Variants in JHY observed in about 807,000 individuals in gnomAD.
The protein encoded by JHY is jhy protein homolog.
Under a neutral mutation model 78.0 loss-of-function variants are expected in JHY, and 69 were observed. That is an observed-to-expected ratio of 0.88 (90% CI 0.73 to 1.08). The LOEUF is 1.08. Among genes scored for constraint, JHY ranks in the 50% least tolerant of loss-of-function variants. JHY has a pLI of 0.00. For synonymous variants in JHY, 368 were observed against 342.6 expected, an observed-to-expected ratio of 1.07 and a Z score of -0.82; for missense variants, 944 against 927.8, an observed-to-expected ratio of 1.02 and a Z score of -0.23.
rs1282714664 is a variant in JHY, at chr11:122,898,001, T to A, written c.345-5924T>A. On this transcript the variant is annotated intron_variant, in intron 2 of 8. Coordinates refer to ENST00000227349, the MANE Select transcript of JHY (RefSeq NM_024806.4). This position sits in a 1 kb window ranked among gnomAD's most constrained non-coding sequence, Gnocchi z 4.4. ...TGGACTTTGTGATATCATCTAGCAA[T>A]TGAATGTGGAAATAAGAGGCTAACA... Among the ~76,000 whole-genome samples the A allele has an allele frequency of 6.6e-6, 1 of 152,218 alleles. No homozygotes were observed. Among genetic ancestry groups the A allele is most frequent in the Non-Finnish European group, 1.5e-5 (1 of 68,032 alleles).
intron 5 of JHY, among the ~76,000 whole-genome samples, chr11:122,938,968 G>C (rs1025337208): frequency 8.6e-5 from 13 of 151,528 alleles, no homozygotes; most frequent in Admixed American, 7.2e-4. Context: ...AGATGATCTG[G>C]AGATCCGCCT....
chr11:122,934,523 C>A lies in JHY; in HGVS notation c.1082C>A (p.Pro361Gln), dbSNP rs1322451596. The A allele has an allele frequency of 9.9e-6, 16 of 1,613,834 alleles. No homozygotes were observed. Among genetic ancestry groups the A allele is most frequent in the Admixed American group, 3.3e-5 (2 of 59,974 alleles). The change falls in exon 5 of 9, where the codon CCA (proline) becomes CAA (glutamine). Residue 361 changes from proline to glutamine, a missense_variant. Transcript: ENST00000227349. ...MVNDHQPSRRPAKLKIRKQCK... is the reference protein window; with the variant it reads ...MVNDHQPSRRQAKLKIRKQCK... ...AATGACCATCAACCTTCCAGAAGAC[C>A]AGCCAAGCTCAAGATTCGAAAGCAG...
intron 3 of JHY, among the ~76,000 whole-genome samples, chr11:122,919,374 A>G (rs1055699198): frequency 4.3e-4 from 65 of 150,386 alleles, no homozygotes; most frequent in African/African-American, 1.3e-3. Context: ...AAAAAAAAAA[A>G]AAGAAGTGAA....
At chr11:122,932,855 C>T (rs1378499588) in intron 4 of JHY, among the ~76,000 whole-genome samples, 2 of 152,106 alleles carry the variant, frequency 1.3e-5, no homozygotes, top group African/African-American at 2.4e-5. Context: ...CTAGAATTTA[C>T]CTGGAATACA....
chr11:122,905,656 C>A, intron 3 of JHY: 1 of 913,788 alleles, frequency 1.1e-6, no homozygotes, highest in Non-Finnish European at 1.3e-6. Context: ...TCACTTGAGG[C>A]CACGAGTTCA....
rs1219002312 is a variant in JHY at position 122,917,755 on chromosome 11, C to T, written c.865-7142C>T. ...CTAATGTGTCCATTCAGAGGTCACA[C>T]TTACATATTCTTAGTTAGTTATGGA... On this transcript the variant is annotated intron_variant, in intron 3 of 8. Transcript: ENST00000227349. This position sits in a 1 kb window ranked among gnomAD's most constrained non-coding sequence, Gnocchi z 4.1. Among the ~76,000 whole-genome samples the T allele has an allele frequency of 6.6e-6, 1 of 152,122 alleles. No homozygotes were observed. Among genetic ancestry groups the T allele is most frequent in the Admixed American group, 6.6e-5 (1 of 15,262 alleles).
intron 2 of JHY, among the ~76,000 whole-genome samples, chr11:122,900,319 G>A (rs959212110): frequency 6.6e-6 from 1 of 152,022 alleles, no homozygotes; most frequent in Non-Finnish European, 1.5e-5. Context: ...AACATTAGGG[G>A]GACCATTAGT....
intron 4 of JHY, among the ~76,000 whole-genome samples, chr11:122,931,360 A>G (rs1466093093): frequency 1.3e-5 from 2 of 152,242 alleles, no homozygotes; most frequent in Non-Finnish European, 1.5e-5. Context: ...CCTTTTACTT[A>G]TTAATATGAA....
chr11:122,957,390 T>C lies in JHY; in HGVS notation c.2038T>C (p.Tyr680His). ...GCAAAAATTAATACAGCAAAAGGAA[T>C]ATGCAAAACAAGTCAAGGAGTACAA... is the stretch of plus-strand genomic sequence containing the variant. Reference protein sequence around the residue: ...KTQKLIQQKEYAKQVKEYNMK... With the variant: ...KTQKLIQQKEHAKQVKEYNMK... The change falls in exon 8 of 9, where the codon TAT (tyrosine) becomes CAT (histidine). Residue 680 changes from tyrosine to histidine, a missense_variant. By Grantham distance (83) the Tyr-to-His change is moderately conservative. Coordinates refer to ENST00000227349, the MANE Select transcript of JHY (RefSeq NM_024806.4). The C allele has an allele frequency of 2.6e-6, 4 of 1,533,200 alleles. No individual in the cohort carries two copies. Among genetic ancestry groups the C allele is most frequent in the Non-Finnish European group, 3.5e-6 (4 of 1,153,168 alleles). 95.0% of individuals were successfully genotyped at this position (1,533,200 alleles called of 1,614,324 possible).
intron 2 of JHY, among the ~76,000 whole-genome samples, chr11:122,892,850 A>G (rs59896409): frequency 0.089 from 13,516 of 152,208 alleles, 716 homozygotes; most frequent in Non-Finnish European, 0.11. Context: ...TGTAGAATGC[A>G]TCAGGAATAT....
chr11:122,953,913 C>A (rs985540492), intron 6 of JHY, among the ~76,000 whole-genome samples: 1 of 152,078 alleles, frequency 6.6e-6, no homozygotes, highest in Admixed American at 6.5e-5. Context: ...TCTAATGGGG[C>A]AAATTCTATT....
Position 122,959,598 on chromosome 11 carries a change from C to T in JHY, c.*153C>T. The T allele has an allele frequency of 1.4e-6, 1 of 706,152 alleles. No homozygotes were observed. Among genetic ancestry groups the T allele is most frequent in the Non-Finnish European group, 2.3e-6 (1 of 440,850 alleles). The allele number at this position is 706,152 out of a possible 1,614,324, so 43.7% of individuals were successfully genotyped here. A position where few individuals can be genotyped will look rare whatever the true frequency, so the allele number is the denominator to read the frequency against. Reference sequence around the variant, plus strand: ...TTTCTGCAGGATTTAAAATATGAGGCCCAATTGGATTATGGTGCCATATTT... The same window carrying T: ...TTTCTGCAGGATTTAAAATATGAGGTCCAATTGGATTATGGTGCCATATTT... On this transcript the variant is annotated 3_prime_UTR_variant, in exon 9 of 9. Coordinates refer to ENST00000227349, the MANE Select transcript of JHY (RefSeq NM_024806.4).
chr11:122,956,821 G>A (rs1162342599), intron 7 of JHY, among the ~76,000 whole-genome samples: 1 of 152,218 alleles, frequency 6.6e-6, no homozygotes, highest in Non-Finnish European at 1.5e-5. Context: ...GCACGGAAAA[G>A]TGGGGCCTGT....
At position 122,885,758 on chromosome 11, in the gene JHY, C is replaced by T; in HGVS notation, c.-89-3C>T. On this transcript the variant is annotated splice_region_variant and splice_polypyrimidine_tract_variant and intron_variant, in intron 1 of 8. Coordinates refer to ENST00000227349, the MANE Select transcript of JHY (RefSeq NM_024806.4). ...AGAGTAACATAAATATATTTTTTTT[C>T]AGGTAACGCTTTTGTGAACCACAAC... is the stretch of plus-strand genomic sequence containing the variant. The T allele has an allele frequency of 1.1e-6, 1 of 938,738 alleles. No homozygotes were observed. Among genetic ancestry groups the T allele is most frequent in the Non-Finnish European group, 1.6e-6 (1 of 622,276 alleles). The allele number at this position is 938,738 out of a possible 1,614,324, so 58.2% of individuals were successfully genotyped here.
intron 2 of JHY, among the ~76,000 whole-genome samples, chr11:122,900,709 A>C (rs1862837786): frequency 6.6e-6 from 1 of 151,996 alleles, no homozygotes; most frequent in Non-Finnish European, 1.5e-5. Context: ...TGACCTATCG[A>C]CTGAGCTTCG....
chr11:122,918,066 A>C (rs1863270618), intron 3 of JHY, among the ~76,000 whole-genome samples: 1 of 151,324 alleles, frequency 6.6e-6, no homozygotes, highest in Non-Finnish European at 1.5e-5. Flanking sequence ...ACACCCAGCT[A>C]ATTTTTGTAT....
Position 122,935,010 on chromosome 11 carries a change from CA to C in JHY, c.1574del (p.Asn525IlefsTer17). 1.2e-6 allele frequency: 2 copies of C among 1,608,716 alleles called. No individual in the cohort carries two copies. The highest frequency in any genetic ancestry group is 1.7e-6 in the Non-Finnish European group (2 of 1,178,614). On this transcript the variant is annotated frameshift_variant, in exon 5 of 9. Coordinates refer to ENST00000227349, the MANE Select transcript of JHY (RefSeq NM_024806.4). LOFTEE classifies it high-confidence loss of function. This position sits in a 1 kb window ranked among gnomAD's most constrained non-coding sequence, Gnocchi z 4.5. ...VYHINTHGST[K>X]NKKQLKQPYT... ...ATCACATAAATACTCATGGATCAAC[CA>C]AAAATAAGAAACAACTCAAACAGCC... is the stretch of plus-strand genomic sequence containing the variant.
chr11:122,914,476 G>A (rs902381803), intron 3 of JHY, among the ~76,000 whole-genome samples: 4 of 151,800 alleles, frequency 2.6e-5, no homozygotes, highest in Admixed American at 6.6e-5. Flanking sequence ...ACAGAGTCTC[G>A]CTCTGTAGCC....
chr11:122,918,494 G>A (rs1316061329), intron 3 of JHY, among the ~76,000 whole-genome samples: 1 of 151,258 alleles, frequency 6.6e-6, no homozygotes, highest in Non-Finnish European at 1.5e-5. Flanking sequence ...GAGGTGAGAG[G>A]GCACGCCATG....
Sources: allele counts gnomAD v4.1 joint callset (sites outside exome capture counted in the v4.1 genomes callset), GRCh38; gene constraint gnomAD v4.1.1; non-coding constraint Gnocchi (gnomAD v3.1); transcripts MANE v1.5; gene names NCBI Gene and HGNC (gene_info 2026-07-23, HGNC 2026-07-21).